TAB1: variants seen among roughly 807,000 people sequenced by gnomAD.
The protein encoded by TAB1 is TGF-beta activated kinase 1 (MAP3K7) binding protein 1.
TAB1 carries 30 observed loss-of-function variants against 54.5 expected under a neutral mutation model. That is an observed-to-expected ratio of 0.55 (90% CI 0.41 to 0.75). The LOEUF is 0.75. Ranked by LOEUF, TAB1 falls within the 30% of genes least tolerant of loss-of-function variation. The pLI, the probability that TAB1 is intolerant of heterozygous loss-of-function variation, is 0.00. For synonymous variants in TAB1, 289 were observed against 286.9 expected (o/e 1.01, Z -0.07); for missense variants, 609 against 683.2 (o/e 0.89, Z 1.21).
chr22:39,415,172 C>T lies in TAB1; in HGVS notation c.170+30C>T, dbSNP rs1182793820. ...GTGTGCCAGCATTTCTGTGTTGGGC[C>T]CGGGGAGTTGGTTGGTTTGCAAGCA... is the stretch of plus-strand genomic sequence containing the variant. On this transcript the variant is annotated intron_variant, in intron 2 of 10. Coordinates refer to ENST00000216160, the MANE Select transcript of TAB1 (RefSeq NM_006116.3). The surrounding 1 kb of genome is among the most constrained non-coding windows in gnomAD (Gnocchi z 4.9). 2 of 1,544,466 alleles carry T rather than the reference C, an allele frequency of 1.3e-6. No homozygotes were observed. Among genetic ancestry groups the T allele is most frequent in the Non-Finnish European group, 8.8e-7 (1 of 1,142,566 alleles).
At chr22:39,402,839 A>G (rs1241237467) in intron 1 of TAB1, among the ~76,000 whole-genome samples, 1 of 152,240 alleles carries the variant, frequency 6.6e-6, no homozygotes, top group Non-Finnish European at 1.5e-5. Context: ...GGTGTGAGCC[A>G]CTGTGCCCGG....
At chr22:39,413,498 C>T (rs13057453) in intron 1 of TAB1, among the ~76,000 whole-genome samples, 21 of 151,694 alleles carry the variant, frequency 1.4e-4, no homozygotes, top group Admixed American at 3.9e-4. Context: ...CTCGCTGCAA[C>T]CTCCGACTCC....
chr22:39,430,219 G>T lies in TAB1; in HGVS notation c.1512G>T (p.Pro504=). 1.9e-6 allele frequency: 3 copies of T among 1,611,904 alleles called. No homozygotes were observed. Among genetic ancestry groups the T allele is most frequent in the Non-Finnish European group, 2.5e-6 (3 of 1,180,016 alleles). ...GCGAGCAGAGCGTGGTGACAGCACC[G>T]TAGGGCAGCCGGAGAATGCAGCCCA... The part of the protein sequence containing the change: ...DHGEQSVVTA[P] Residue 504 remains proline, a synonymous_variant, in exon 11 of 11, where the codon CCG becomes CCT. Coordinates refer to ENST00000216160, the MANE Select transcript of TAB1 (RefSeq NM_006116.3).
chr22:39,423,371 G>T (rs1385203758), intron 8 of TAB1, among the ~76,000 whole-genome samples: 2 of 152,176 alleles, frequency 1.3e-5, no homozygotes, highest in Admixed American at 1.3e-4. Flanking sequence ...TTGGGAAGCC[G>T]AGGCAGGCGG....
rs189146000 is a variant in TAB1 at position 39,423,773 on chromosome 22, G to C, written c.921+1802G>C. Among the ~76,000 whole-genome samples the C allele has an allele frequency of 1.1e-3, 165 of 152,114 alleles. 3 individuals are homozygous for C. The East Asian group carries it at 0.028, about 25-fold the overall frequency. On this transcript the variant is annotated intron_variant, in intron 8 of 10. Coordinates refer to ENST00000216160, the MANE Select transcript of TAB1 (RefSeq NM_006116.3). ...GTTATTCCAGTAGTGTACATTGTAA[G>C]TAATGTATAGTGTTTTATAGTGTAC...
rs751330956 is a variant in TAB1, at chr22:39,415,048, C to G, written c.76C>G (p.Leu26Val). ...SWTDDLPLCH[L>V]SGVGSASNRS... ...GACAGATGACCTGCCTCTCTGCCAC[C>G]TCTCTGGGGTTGGCTCAGCCTCCAA... Residue 26 changes from leucine (L) to valine (V), a missense_variant, in exon 2 of 11, where the codon CTC (leucine) becomes GTC (valine). Physicochemically the swap from Leu to Val is conservative, Grantham distance 32. Transcript: ENST00000216160. The surrounding 1 kb of genome is among the most constrained non-coding windows in gnomAD (Gnocchi z 4.9). 6.2e-7 allele frequency: 1 copy of G among 1,614,096 alleles called. No homozygotes were observed. The highest frequency in any genetic ancestry group is 1.1e-5 in the South Asian group (1 of 91,080).
In TAB1 at chr22:39,419,591, A is replaced by G; in HGVS notation, c.737A>G (p.Tyr246Cys). Residue 246 changes from tyrosine to cysteine, a missense_variant, in exon 7 of 11, where the codon TAC (tyrosine) becomes TGC (cysteine). By Grantham distance (194) the Tyr-to-Cys change is radical. Transcript: ENST00000216160. ...GQESTRRIGD[Y>C]KVKYGYTDID... is the part of the protein sequence containing the mutation. ...GAGAGCACCCGGCGGATCGGGGATTACAAGGTTAAATATGGCTACACGGAC... is the reference window on the plus strand; with the variant it reads ...GAGAGCACCCGGCGGATCGGGGATTGCAAGGTTAAATATGGCTACACGGAC... 1 of 1,613,110 alleles carries G rather than the reference A, an allele frequency of 6.2e-7. No individual in the cohort carries two copies. The highest frequency in any genetic ancestry group is 1.7e-5 in the Admixed American group (1 of 59,938).
intron 4 of TAB1, 113 bp from the exon 5 acceptor site, chr22:39,417,598 G>C: frequency 9.1e-7 from 1 of 1,099,578 alleles, no homozygotes; most frequent in South Asian, 1.9e-5. Flanking sequence ...TGTAGCCTGG[G>C]GGACACAGCG....
At chr22:39,421,160 G>T (rs1473176061) in intron 7 of TAB1, among the ~76,000 whole-genome samples, 1 of 152,022 alleles carries the variant, frequency 6.6e-6, no homozygotes, top group Non-Finnish European at 1.5e-5. Context: ...TGAGTTTGGA[G>T]ATATGTTTAC....
chr22:39,417,774 G>A lies in TAB1; in HGVS notation c.475G>A (p.Glu159Lys). The change falls in exon 5 of 11, where the codon GAG (glutamate) becomes AAG (lysine). Residue 159 changes from glutamate (E) to lysine (K), a missense_variant. By Grantham distance (56) the Glu-to-Lys change is moderately conservative (BLOSUM62 1). Coordinates refer to ENST00000216160, the MANE Select transcript of TAB1 (RefSeq NM_006116.3). ...QKILERLKTL[E>K]REISGGAMAV... ...GATCCTTGAGAGACTCAAGACGTTA[G>A]AGAGGGAAATTTCGGGAGGGGCCAT... 6.2e-7 allele frequency: 1 copy of A among 1,613,656 alleles called. No individual in the cohort carries two copies. Among genetic ancestry groups the A allele is most frequent in the Non-Finnish European group, 8.5e-7 (1 of 1,179,818 alleles).
chr22:39,414,457 GTGAC>G (rs1316848871), intron 1 of TAB1, among the ~76,000 whole-genome samples: 1 of 152,208 alleles, frequency 6.6e-6, no homozygotes, highest in African/African-American at 2.4e-5. Flanking sequence ...GCCAGAGAGA[GTGAC>G]TGAGGCTAGC....
chr22:39,404,879 G>A (rs573153735), intron 1 of TAB1, among the ~76,000 whole-genome samples: 9 of 152,284 alleles, frequency 5.9e-5, no homozygotes, highest in African/African-American at 2.2e-4. Context: ...GTGGGGGCCA[G>A]GAGTGGAGCT....
chr22:39,435,913 C>T (rs957809174), downstream of TAB1, among the ~76,000 whole-genome samples: 2 of 152,174 alleles, frequency 1.3e-5, no homozygotes, highest in East Asian at 1.9e-4. Context: ...TGCCCCTGGG[C>T]GACCTTGGCC....
downstream of TAB1, chr22:39,431,963 C>T (rs539741554): frequency 1.7e-5 from 14 of 822,144 alleles, 1 homozygote; most frequent in South Asian, 7.8e-4. Flanking sequence ...CCTGGAGGTT[C>T]AAGAACTCGG....
downstream of TAB1, chr22:39,436,673 A>AGGCCC (rs1353553579): frequency 9.0e-5 from 85 of 940,992 alleles, no homozygotes; most frequent in African/African-American, 1.2e-3. Flanking sequence ...GTGCCAGGCC[A>AGGCCC]GGCCCCGCCC....
chr22:39,429,072 TAGACA>T, intron 10 of TAB1: 13 of 985,432 alleles, frequency 1.3e-5, no homozygotes, highest in Non-Finnish European at 1.6e-5. Flanking sequence ...GCTGTGGCCC[TAGACA>T]AGGCAGGACA....
rs1926386723 is a variant in TAB1 at position 39,406,809 on chromosome 22, A to AT, written c.33+6979dup. On this transcript the variant is annotated intron_variant, in intron 1 of 10. Transcript: ENST00000216160. ...CACCACGCCCACCTAATTTTTTTGT[A>AT]TTTTTAGTAGAGACGGGGTTTCACC... Among the ~76,000 whole-genome samples the AT allele has an allele frequency of 7.2e-5, 11 of 151,916 alleles. No individual in the cohort carries two copies. The South Asian group carries it at 2.3e-3, about 32-fold the overall frequency.
intron 1 of TAB1, among the ~76,000 whole-genome samples, chr22:39,413,721 A>G (rs1432294653): frequency 6.6e-6 from 1 of 152,228 alleles, no homozygotes; most frequent in Non-Finnish European, 1.5e-5. Flanking sequence ...CACTGCACCC[A>G]GCCAATACAA....
At position 39,431,611 on chromosome 22, in the gene TAB1, G is replaced by T; in HGVS notation, c.*1389G>T. ...ATTTTCCTGCGGCAGAGCAGGGCCTGGTGTGGAACCAGGGAGCTGTGGGAA... is the reference window on the plus strand; with the variant it reads ...ATTTTCCTGCGGCAGAGCAGGGCCTTGTGTGGAACCAGGGAGCTGTGGGAA... On this transcript the variant is annotated 3_prime_UTR_variant, in exon 11 of 11. Coordinates refer to ENST00000216160, the MANE Select transcript of TAB1 (RefSeq NM_006116.3). 2.0e-6 allele frequency: 2 copies of T among 985,418 alleles called. No individual in the cohort carries two copies. The highest frequency in any genetic ancestry group is 2.4e-6 in the Non-Finnish European group (2 of 829,972). 61.0% of individuals were successfully genotyped at this position (985,418 alleles called of 1,614,324 possible). A position where few individuals can be genotyped will look rare whatever the true frequency, so the allele number is the denominator to read the frequency against.
Sources: allele counts gnomAD v4.1 joint callset (sites outside exome capture counted in the v4.1 genomes callset), GRCh38; gene constraint gnomAD v4.1.1; non-coding constraint Gnocchi (gnomAD v3.1); transcripts MANE v1.5; gene names NCBI Gene and HGNC (gene_info 2026-07-23, HGNC 2026-07-21).